The following MTSS2 variants were observed in gnomAD, a reference collection of about 807,000 sequenced individuals.
MTSS2 encodes protein MTSS 2.
Under a neutral mutation model 67.1 loss-of-function variants are expected in MTSS2, and 27 were observed. That is an observed-to-expected ratio of 0.40 (90% CI 0.30 to 0.55). The LOEUF is 0.55. Ranked by LOEUF, MTSS2 falls within the 20% of genes least tolerant of loss-of-function variation. MTSS2 has a pLI of 0.43. For missense variants in MTSS2, 1,171 were observed against 1,067.8 expected, an observed-to-expected ratio of 1.10 and a Z score of -1.35; for synonymous variants, 624 against 468.6, an observed-to-expected ratio of 1.33 and a Z score of -4.28.
At chr16:70,677,061 G>A in intron 9 of MTSS2, 83 bp from the exon 10 acceptor site, 1 of 1,058,624 alleles carries the variant, frequency 9.4e-7, no homozygotes, top group South Asian at 1.6e-5. Flanking sequence ...CTCTCTAATT[G>A]TGAACCACAT....
In MTSS2 at chr16:70,680,224, C is replaced by G. The variant is rs1404949164; in HGVS notation, c.206-169G>C. ...GGGGGATTCGGGGCCTCCTCCATCT[C>G]CACCAGCTCTTCCTCCGCCATCCCA... is the stretch of plus-strand genomic sequence containing the variant. On this transcript the variant is annotated intron_variant, in intron 3 of 14. Transcript: ENST00000338779. Among the ~76,000 whole-genome samples the G allele has an allele frequency of 2.6e-5, 4 of 151,916 alleles. No individual in the cohort carries two copies. The South Asian group carries it at 8.3e-4, about 31-fold the overall frequency.
chr16:70,670,969 CAAAAAAA>C (rs1166088540), intron 11 of MTSS2, among the ~76,000 whole-genome samples: 18 of 32,948 alleles, frequency 5.5e-4, no homozygotes, highest in South Asian at 1.1e-3. Flanking sequence ...GACCCTGTCT[CAAAAAAA>C]AAAAAAAAAA....
At chr16:70,678,153 C>T in intron 8 of MTSS2, 99 bp downstream of exon 8, 6 of 1,442,324 alleles carry the variant, frequency 4.2e-6, no homozygotes, top group Non-Finnish European at 5.6e-6. Context: ...CTTGATGCCC[C>T]CAGCCAGGGA....
intron 10 of MTSS2, among the ~76,000 whole-genome samples, chr16:70,675,402 G>A (rs1401793698): frequency 6.6e-6 from 1 of 152,228 alleles, no homozygotes; most frequent in East Asian, 1.9e-4. Context: ...CAGCCTGGGT[G>A]ACAGAGCGAG....
In MTSS2 at chr16:70,664,129, C is replaced by T. The variant is rs570439864; in HGVS notation, c.1792G>A (p.Val598Met). Reference protein sequence around the residue: ...PPIVPVKTPTVPDSPGYMGPT... With the variant: ...PPIVPVKTPTMPDSPGYMGPT... ...CCCATGTAGCCGGGGGAGTCAGGCA[C>T]CGTGGGCGTCTTCACAGGGACGATG... Residue 598 changes from valine to methionine, a missense_variant, in exon 15 of 15, where the codon GTG (valine) becomes ATG (methionine). Coordinates refer to ENST00000338779, the MANE Select transcript of MTSS2 (RefSeq NM_138383.3). 1.1e-4 allele frequency: 182 copies of T among 1,610,752 alleles called. 2 individuals carry two copies. Among genetic ancestry groups the T allele is most frequent in the South Asian group, 8.0e-4 (73 of 91,044 alleles).
chr16:70,675,578 C>G (rs535383098), intron 10 of MTSS2, among the ~76,000 whole-genome samples: 1 of 152,172 alleles, frequency 6.6e-6, no homozygotes, highest in Non-Finnish European at 1.5e-5. Flanking sequence ...CCATGCCCGG[C>G]TAATTTTTTT....
At chr16:70,680,908 C>T (rs530775942) in intron 2 of MTSS2, 41 bp from the exon 3 acceptor site, 19 of 1,174,312 alleles carry the variant, frequency 1.6e-5, no homozygotes, top group Middle Eastern at 5.0e-4. Context: ...GGTGGTTGGG[C>T]GGGGGGGGGG....
intron 10 of MTSS2, among the ~76,000 whole-genome samples, chr16:70,675,512 A>C (rs889507178): frequency 6.6e-6 from 1 of 152,206 alleles, no homozygotes; most frequent in Non-Finnish European, 1.5e-5. Flanking sequence ...TAAAGAATAT[A>C]TCTTTATCAC....
intron 10 of MTSS2, among the ~76,000 whole-genome samples, chr16:70,676,319 C>A (rs2053115029): frequency 6.6e-6 from 1 of 152,264 alleles, no homozygotes; most frequent in Non-Finnish European, 1.5e-5. Flanking sequence ...GCTCCCGGGG[C>A]TAGCCTGGGC....
At chr16:70,672,208 A>G (rs895133142) in intron 11 of MTSS2, among the ~76,000 whole-genome samples, 1 of 152,098 alleles carries the variant, frequency 6.6e-6, no homozygotes, top group African/African-American at 2.4e-5. Flanking sequence ...TTAGCTGGGC[A>G]TGGTGGCGCA....
Position 70,661,482 on chromosome 16 carries a change from C to G in MTSS2, c.*2195G>C, listed in dbSNP as rs2052466521. 1.4e-5 allele frequency: 5 copies of G among 353,182 alleles called. No homozygotes were observed. Among genetic ancestry groups the G allele is most frequent in the South Asian group, 6.3e-5 (3 of 47,448 alleles). 21.9% of individuals were successfully genotyped at this position (353,182 alleles called of 1,614,324 possible). ...AACAACAGCACCAGGAAAGTTACTT[C>G]AGTCAAAAGACGCTTTTGAAAAGAA... On this transcript the variant is annotated 3_prime_UTR_variant, in exon 15 of 15. Transcript: ENST00000338779.
At chr16:70,680,304 C>A (rs1459579475) in intron 3 of MTSS2, among the ~76,000 whole-genome samples, 1 of 152,088 alleles carries the variant, frequency 6.6e-6, no homozygotes, top group Non-Finnish European at 1.5e-5. Flanking sequence ...GAGAGGCCGG[C>A]GCCAAAGACC....
chr16:70,666,947 C>G (rs1391482230), intron 11 of MTSS2, among the ~76,000 whole-genome samples: 1 of 151,980 alleles, frequency 6.6e-6, no homozygotes, highest in Non-Finnish European at 1.5e-5. Context: ...TGCAATAAAG[C>G]AAGGAAAAGA....
At chr16:70,682,390 G>T (rs1402255604) in intron 1 of MTSS2, among the ~76,000 whole-genome samples, 1 of 152,060 alleles carries the variant, frequency 6.6e-6, no homozygotes, top group Non-Finnish European at 1.5e-5. Flanking sequence ...CCACCGCCTG[G>T]ACCCCCACCC....
chr16:70,663,435 G>A lies in MTSS2; in HGVS notation c.*242C>T. 3 of 618,972 alleles carry A rather than the reference G, an allele frequency of 4.8e-6. No individual in the cohort carries two copies. Among genetic ancestry groups the A allele is most frequent in the Non-Finnish European group, 7.8e-6 (3 of 384,890 alleles). The allele number at this position is 618,972 out of a possible 1,614,324, so 38.3% of individuals were successfully genotyped here. On this transcript the variant is annotated 3_prime_UTR_variant, in exon 15 of 15. Transcript: ENST00000338779. ...CAGAGGAGGAAGAGGAGGGACCGAAGAGCATAAAACAGACCCCGAACCAGG... is the reference window on the plus strand; with the variant it reads ...CAGAGGAGGAAGAGGAGGGACCGAAAAGCATAAAACAGACCCCGAACCAGG...
rs1335993145 is a variant in MTSS2 at position 70,664,399 on chromosome 16, G to A, written c.1522C>T (p.Pro508Ser). Residue 508 changes from proline (P) to serine (S), a missense_variant, in exon 15 of 15, where the codon CCG (proline) becomes TCG (serine). By Grantham distance (74) the Pro-to-Ser change is moderately conservative. Coordinates refer to ENST00000338779, the MANE Select transcript of MTSS2 (RefSeq NM_138383.3). ...GTGGATGACTTGTCAAACTCGGGCGGGCCCTCGCTGTCCGCATCCCCATTC... is the reference window on the plus strand; with the variant it reads ...GTGGATGACTTGTCAAACTCGGGCGAGCCCTCGCTGTCCGCATCCCCATTC... ...SVNGDADSEG[P>S]PEFDKSSTIP... 6.4e-7 allele frequency: 1 copy of A among 1,558,508 alleles called. No individual in the cohort carries two copies.
intron 3 of MTSS2, among the ~76,000 whole-genome samples, chr16:70,680,364 C>T (rs1312149881): frequency 1.3e-5 from 2 of 152,144 alleles, no homozygotes; most frequent in African/African-American, 2.4e-5. Context: ...GATGCAGGTG[C>T]GGGAGTGTGA....
At chr16:70,670,781 T>A (rs1046558895) in intron 11 of MTSS2, among the ~76,000 whole-genome samples, 4 of 151,736 alleles carry the variant, frequency 2.6e-5, no homozygotes, top group African/African-American at 9.7e-5. Flanking sequence ...CTAGGAAACA[T>A]AGTGAGACCC....
chr16:70,668,899 G>T (rs1329760792), intron 11 of MTSS2, among the ~76,000 whole-genome samples: 2 of 152,022 alleles, frequency 1.3e-5, no homozygotes, highest in South Asian at 4.2e-4. Context: ...CCAGGTTATG[G>T]TATTTTGTTA....
Sources: gnomAD v4.1 joint callset for allele counts (sites outside exome capture counted in the v4.1 genomes callset) on GRCh38, gnomAD v4.1.1 for gene constraint, MANE v1.5 for transcripts, NCBI Gene and HGNC (gene_info 2026-07-23, HGNC 2026-07-21) for gene names.